STOX2: variants seen among roughly 807,000 people sequenced by gnomAD.
The protein encoded by STOX2 is storkhead box 2, also known as storkhead-box protein 2.
In STOX2, 28 loss-of-function variants were observed where a neutral mutation model predicts 60.9. That is an observed-to-expected ratio of 0.46 (90% CI 0.34 to 0.63). STOX2 has a LOEUF of 0.63. STOX2 is among the 30% of genes least tolerant of loss of function. STOX2 has a pLI of 0.01. For missense variants in STOX2, 1,024 were observed against 1,187.7 expected (o/e 0.86, Z 2.03); for synonymous variants, 472 against 463.9 (o/e 1.02, Z -0.22).
intron 1 of STOX2, among the ~76,000 whole-genome samples, chr4:183,963,372 G>A (rs1743467236): frequency 6.6e-6 from 1 of 152,016 alleles, no homozygotes; most frequent in South Asian, 2.1e-4. Context: ...ATTATAATAG[G>A]AAACAACATG....
chr4:183,805,057 C>T (rs773019261), intron 1 of STOX2, among the ~76,000 whole-genome samples: 1 of 152,136 alleles, frequency 6.6e-6, no homozygotes, highest in Non-Finnish European at 1.5e-5. Context: ...CTTTCTGTTC[C>T]TGAGGTCGAT....
chr4:183,976,925 A>C (rs1313615643), intron 1 of STOX2, among the ~76,000 whole-genome samples: 1 of 152,234 alleles, frequency 6.6e-6, no homozygotes, highest in Non-Finnish European at 1.5e-5. Flanking sequence ...AACTTGATTG[A>C]CCATATAGAT....
At chr4:183,890,536 A>AGGAAGGAGAGAGGAAGGGAGGGAG (rs1741184584) in intron 1 of STOX2, among the ~76,000 whole-genome samples, 1 of 122,524 alleles carries the variant, frequency 8.2e-6, no homozygotes, top group Non-Finnish European at 1.6e-5. Flanking sequence ...AAAGGAGGGA[A>AGGAAGGAGAGAGGAAGGGAGGGAG]GGAAGGAGAG....
intron 1 of STOX2, among the ~76,000 whole-genome samples, chr4:183,897,942 T>C (rs1741374093): frequency 6.6e-6 from 1 of 152,228 alleles, no homozygotes; most frequent in African/African-American, 2.4e-5. Context: ...CTATTTAATA[T>C]TGAAACAAAT....
chr4:183,864,538 C>T (rs755323199), intron 1 of STOX2, among the ~76,000 whole-genome samples: 8 of 152,006 alleles, frequency 5.3e-5, no homozygotes, highest in Admixed American at 1.3e-4. Flanking sequence ...GGATTACAGG[C>T]GCCCACCACC....
chr4:183,919,090 C>T (rs759316167), intron 1 of STOX2, among the ~76,000 whole-genome samples: 13 of 152,196 alleles, frequency 8.5e-5, no homozygotes, highest in Non-Finnish European at 1.9e-4. Flanking sequence ...ACTTGGAAAG[C>T]CTGTTCTACT....
At chr4:183,907,893 AT>A (rs1181525961) in intron 1 of STOX2, among the ~76,000 whole-genome samples, 1 of 152,180 alleles carries the variant, frequency 6.6e-6, no homozygotes, top group African/African-American at 2.4e-5. Context: ...TCAGAGAAAA[AT>A]TTAGATTTTC....
rs1028534666 is a variant in STOX2, at chr4:184,011,483, C to A, written c.2585+60C>A. On this transcript the variant is annotated intron_variant, in intron 3 of 3. Coordinates refer to ENST00000308497, the MANE Select transcript of STOX2 (RefSeq NM_020225.3). The surrounding 1 kb of genome is among the most constrained non-coding windows in gnomAD (Gnocchi z 4.4). ...CTAGCGGGGCCTGGGGCTTTATGCA[C>A]GTAACTTGACAAGTTTCTGATTTCG... is the stretch of plus-strand genomic sequence containing the variant. The A allele has an allele frequency of 1.3e-6, 2 of 1,583,670 alleles. No individual in the cohort carries two copies. The highest frequency in any genetic ancestry group is 2.7e-5 in the African/African-American group (2 of 73,950).
At chr4:183,957,080 C>G (rs551019041) in intron 1 of STOX2, among the ~76,000 whole-genome samples, 1 of 148,794 alleles carries the variant, frequency 6.7e-6, no homozygotes, top group African/African-American at 2.5e-5. Context: ...GTGCAGCACA[C>G]CAACATGGCA....
At position 183,994,143 on chromosome 4, in the gene STOX2, G is replaced by T. The variant is rs150881692; in HGVS notation, c.167-7182G>T. Among the ~76,000 whole-genome samples the T allele has an allele frequency of 4.6e-3, 696 of 152,322 alleles. 5 individuals carry two copies. Among genetic ancestry groups the T allele is most frequent in the Non-Finnish European group, 7.7e-3 (524 of 68,024 alleles). On this transcript the variant is annotated intron_variant, in intron 1 of 3. Coordinates refer to ENST00000308497, the MANE Select transcript of STOX2 (RefSeq NM_020225.3). Reference sequence around the variant, plus strand: ...TTTCCCCAAGCCCAAGGGCATTTAAGATAAAACTTGGCGAAAGAATCGTTT... The same window carrying T: ...TTTCCCCAAGCCCAAGGGCATTTAATATAAAACTTGGCGAAAGAATCGTTT...
In STOX2 at chr4:183,865,054, C is replaced by G. The variant is rs1465777941; in HGVS notation, c.364+66999C>G. Among the ~76,000 whole-genome samples the G allele has an allele frequency of 6.6e-6, 1 of 152,118 alleles. No homozygotes were observed. Among genetic ancestry groups the G allele is most frequent in the African/African-American group, 2.4e-5 (1 of 41,424 alleles). Reference sequence around the variant, plus strand: ...GAACACCTTCCTGACCATCACAATCCACAAAGAATCTCTCTTAGAGCTGTT... The same window carrying G: ...GAACACCTTCCTGACCATCACAATCGACAAAGAATCTCTCTTAGAGCTGTT... On this transcript the variant is annotated intron_variant, in intron 1 of 2. Transcript: ENST00000513034. The surrounding 1 kb of genome is among the most constrained non-coding windows in gnomAD (Gnocchi z 4.1).
intron 1 of STOX2, among the ~76,000 whole-genome samples, chr4:183,948,213 C>A: frequency 2.3e-5 from 1 of 43,732 alleles, no homozygotes. Context: ...AGCAAAACTC[C>A]ATCTCAAAAA....
At chr4:183,830,282 T>G (rs1393081415) in intron 1 of STOX2, among the ~76,000 whole-genome samples, 1 of 152,182 alleles carries the variant, frequency 6.6e-6, no homozygotes, top group African/African-American at 2.4e-5. Flanking sequence ...CTAACTATAA[T>G]TAAAAGAATT....
chr4:183,996,742 ATT>A (rs1733362982), intron 1 of STOX2, among the ~76,000 whole-genome samples: 2 of 152,062 alleles, frequency 1.3e-5, no homozygotes, highest in South Asian at 4.1e-4. Context: ...AAATTTACTC[ATT>A]TTTATTAATT....
chr4:183,823,784 A>T (rs947889806), intron 1 of STOX2, among the ~76,000 whole-genome samples: 3 of 152,214 alleles, frequency 2.0e-5, no homozygotes, highest in African/African-American at 7.2e-5. Context: ...AAAGACTTTC[A>T]CAACTTTCCT....
intron 1 of STOX2, among the ~76,000 whole-genome samples, chr4:183,944,915 G>A (rs1242216254): frequency 6.6e-6 from 1 of 152,066 alleles, no homozygotes; most frequent in African/African-American, 2.4e-5. Flanking sequence ...GGGCACATCA[G>A]CAAAAAAGAC....
intron 1 of STOX2, among the ~76,000 whole-genome samples, chr4:183,807,456 C>A (rs1290480678): frequency 1.4e-5 from 2 of 146,228 alleles, no homozygotes; most frequent in Non-Finnish European, 3.0e-5. Context: ...CACCTGTCAG[C>A]CTAAGGCGCC....
chr4:183,851,385 GA>G (rs1461405642), intron 1 of STOX2, among the ~76,000 whole-genome samples: 2 of 93,406 alleles, frequency 2.1e-5, no homozygotes, highest in African/African-American at 8.5e-5. Flanking sequence ...GAGAAACGAT[GA>G]GGGAAAGGAT....
In STOX2 at chr4:183,959,627, T is replaced by G. The variant is rs73002665; in HGVS notation, c.167-41698T>G. Among the ~76,000 whole-genome samples, 984 of 152,352 alleles carry G rather than the reference T, an allele frequency of 6.5e-3. 8 individuals are homozygous for G. Among genetic ancestry groups the G allele is most frequent in the African/African-American group, 0.023 (952 of 41,590 alleles). On this transcript the variant is annotated intron_variant, in intron 1 of 3. Transcript: ENST00000308497. ...CGCTGTGCTTTATTTATTTATTTAT[T>G]TACTCTGCTTGCATTGTGGAATTAT...
Sources: gnomAD v4.1 joint callset for allele counts (sites outside exome capture counted in the v4.1 genomes callset) on GRCh38, gnomAD v4.1.1 for gene constraint, Gnocchi (gnomAD v3.1) non-coding constraint, MANE v1.5 for transcripts, NCBI Gene and HGNC (gene_info 2026-07-23, HGNC 2026-07-21) for gene names.